Variants in ZBTB8A observed in about 807,000 individuals in gnomAD.
ZBTB8A encodes the protein zinc finger and BTB domain containing 8A, also known as zinc finger and BTB domain-containing protein 8A.
A neutral mutation model predicts 37.8 loss-of-function variants in ZBTB8A; 19 were observed. The observed-to-expected ratio is 0.50, with a 90% CI of 0.35 to 0.74. ZBTB8A has a LOEUF of 0.74. Ranked by LOEUF, ZBTB8A falls within the 30% of genes least tolerant of loss-of-function variation. The probability of loss-of-function intolerance (pLI) is 0.01; values close to 1 mark genes in which losing one functional copy is unlikely to be tolerated. For synonymous variants in ZBTB8A, 181 were observed against 185.2 expected, an observed-to-expected ratio of 0.98 and a Z score of 0.19; for missense variants, 394 against 537.8, an observed-to-expected ratio of 0.73 and a Z score of 2.65.
At chr1:32,566,473 C>G (rs185268519) in intron 2 of ZBTB8A, among the ~76,000 whole-genome samples, 4 of 151,900 alleles carry the variant, frequency 2.6e-5, no homozygotes, top group Non-Finnish European at 4.4e-5. Context: ...TGCAATGAGC[C>G]GTGATAGTGC....
rs1205333585 is a variant in ZBTB8A at position 32,605,842 on chromosome 1, TATTTTATAGATG to T, written c.*5432_*5443del. ...CACTGAGGTGTGTTGTGTATCACTC[TATTTTATAGATG>T]ATTTTATATAAGTAACAGTGGATTG... On this transcript the variant is annotated 3_prime_UTR_variant, in exon 5 of 5. Transcript: ENST00000373510. The T allele has an allele frequency of 7.2e-5, 11 of 152,126 alleles. No individual in the cohort carries two copies. Among genetic ancestry groups the T allele is most frequent in the Admixed American group, 7.2e-4 (11 of 15,266 alleles). 9.4% of individuals were successfully genotyped at this position (152,126 alleles called of 1,614,324 possible).
At chr1:32,551,169 G>A (rs1321178604) in intron 1 of ZBTB8A, among the ~76,000 whole-genome samples, 1 of 152,134 alleles carries the variant, frequency 6.6e-6, no homozygotes. Context: ...TTTTGGGCCA[G>A]GCACAGTGGC....
Position 32,593,492 on chromosome 1 carries a change from A to G in ZBTB8A, c.561A>G (p.Pro187=). 1 of 1,614,162 alleles carries G rather than the reference A, an allele frequency of 6.2e-7. No homozygotes were observed. The highest frequency in any genetic ancestry group is 8.5e-7 in the Non-Finnish European group (1 of 1,180,032). ...GKSWNKYNYH[P]ASQKNTQQPL... ...CTTGGAATAAGTATAATTATCATCC[A>G]GCCTCCCAGAAGAATACTCAACAAC... Residue 187 remains proline (P), a synonymous_variant, in exon 3 of 5, where the codon CCA becomes CCG. Transcript: ENST00000373510.
intron 2 of ZBTB8A, among the ~76,000 whole-genome samples, chr1:32,570,350 A>G (rs1009233328): frequency 6.6e-6 from 1 of 152,156 alleles, no homozygotes; most frequent in Non-Finnish European, 1.5e-5. Flanking sequence ...TACGTAGGTT[A>G]AGTTCCCTTT....
chr1:32,597,617 C>A (rs773690864), intron 4 of ZBTB8A, among the ~76,000 whole-genome samples: 1 of 152,128 alleles, frequency 6.6e-6, no homozygotes, highest in Admixed American at 6.6e-5. Flanking sequence ...GTCATTGTTA[C>A]GGAGGTGTCA....
intron 2 of ZBTB8A, among the ~76,000 whole-genome samples, chr1:32,580,740 A>G (rs978261594): frequency 2.0e-5 from 3 of 152,102 alleles, no homozygotes; most frequent in African/African-American, 7.2e-5. Flanking sequence ...TTCTGTTGCT[A>G]TAACAGAATA....
chr1:32,568,223 T>C (rs182712899), intron 2 of ZBTB8A, among the ~76,000 whole-genome samples: 44 of 152,294 alleles, frequency 2.9e-4, no homozygotes, highest in African/African-American at 1.0e-3. Context: ...GTTCGACATA[T>C]GTTCATATGT....
At chr1:32,557,562 A>G (rs571171477) in intron 2 of ZBTB8A, among the ~76,000 whole-genome samples, 1 of 152,268 alleles carries the variant, frequency 6.6e-6, no homozygotes, top group Non-Finnish European at 1.5e-5. Context: ...TCCTGGGCTC[A>G]AGTGATCCTC....
At chr1:32,582,491 T>C (rs974775147) in intron 2 of ZBTB8A, among the ~76,000 whole-genome samples, 2 of 151,926 alleles carry the variant, frequency 1.3e-5, no homozygotes, top group African/African-American at 4.8e-5. Context: ...CTACTAAACA[T>C]ACAAAAATTA....
chr1:32,554,056 C>T (rs1054427821), intron 2 of ZBTB8A, among the ~76,000 whole-genome samples: 5 of 151,588 alleles, frequency 3.3e-5, no homozygotes, highest in Admixed American at 2.0e-4. Flanking sequence ...AAAAATTAGC[C>T]GGGCGTGGTG....
chr1:32,549,670 C>T (rs536221175), intron 1 of ZBTB8A, among the ~76,000 whole-genome samples: 26 of 152,158 alleles, frequency 1.7e-4, no homozygotes, highest in South Asian at 4.2e-4. Flanking sequence ...TTCGAGTTTA[C>T]GGTGAGCTGG....
intron 1 of ZBTB8A, among the ~76,000 whole-genome samples, chr1:32,549,871 G>GA (rs981940475): frequency 6.6e-6 from 1 of 152,100 alleles, no homozygotes; most frequent in African/African-American, 2.4e-5. Flanking sequence ...GCTGCTATGA[G>GA]AAAAAAATAC....
intron 2 of ZBTB8A, among the ~76,000 whole-genome samples, chr1:32,585,621 T>C (rs1357695707): frequency 6.6e-6 from 1 of 152,028 alleles, no homozygotes; most frequent in African/African-American, 2.4e-5. Flanking sequence ...TCCCCTAAAT[T>C]AATCTATAAG....
chr1:32,593,356 C>G lies in ZBTB8A; in HGVS notation c.425C>G (p.Ser142Cys). 3 of 1,614,130 alleles carry G rather than the reference C, an allele frequency of 1.9e-6. No individual in the cohort carries two copies. The highest frequency in any genetic ancestry group is 1.7e-6 in the Non-Finnish European group (2 of 1,180,030). ...YFSLSDKDAN[S>C]NGVERSSFYS... is the part of the protein sequence containing the mutation. ...AGTCTCTCAGATAAAGATGCCAATT[C>G]TAATGGTGTAGAACGTTCCTCTTTT... The change falls in exon 3 of 5, where the codon TCT (serine) becomes TGT (cysteine). Residue 142 changes from serine to cysteine, a missense_variant. Around this residue, in one of 4 missense-constraint regions of ZBTB8A, gnomAD observed 171 missense variants for 186.8 expected, o/e 0.92. Transcript: ENST00000373510.
intron 1 of ZBTB8A, among the ~76,000 whole-genome samples, chr1:32,540,335 A>G (rs1281647437): frequency 6.6e-6 from 1 of 152,140 alleles, no homozygotes; most frequent in East Asian, 1.9e-4. Context: ...CGGTAGATTC[A>G]CACACACCTG....
At chr1:32,573,205 G>C (rs915465143) in intron 2 of ZBTB8A, among the ~76,000 whole-genome samples, 1 of 149,942 alleles carries the variant, frequency 6.7e-6, no homozygotes, top group African/African-American at 2.4e-5. Flanking sequence ...TGAGTAGCTG[G>C]GATTACAGGT....
intron 1 of ZBTB8A, among the ~76,000 whole-genome samples, chr1:32,552,021 C>T (rs931256102): frequency 1.3e-5 from 2 of 152,128 alleles, no homozygotes; most frequent in Non-Finnish European, 2.9e-5. Context: ...CATCTGCTGG[C>T]CTGCCTTTGA....
At chr1:32,558,922 G>A (rs888533841) in intron 2 of ZBTB8A, among the ~76,000 whole-genome samples, 7 of 152,156 alleles carry the variant, frequency 4.6e-5, no homozygotes, top group African/African-American at 1.2e-4. Context: ...ACAATGTTGC[G>A]TTGAATCTAC....
intron 2 of ZBTB8A, among the ~76,000 whole-genome samples, chr1:32,554,206 A>G (rs1644181055): frequency 6.6e-6 from 1 of 151,620 alleles, no homozygotes; most frequent in Admixed American, 6.6e-5. Flanking sequence ...TCCAAAAAAA[A>G]AAAAAAAAAA....
Sources: allele counts gnomAD v4.1 joint callset (sites outside exome capture counted in the v4.1 genomes callset), GRCh38; gene constraint gnomAD v4.1.1; regional missense constraint gnomAD v4.1.1; transcripts MANE v1.5; gene names NCBI Gene and HGNC (gene_info 2026-07-23, HGNC 2026-07-21).